DHX30: variants seen among roughly 807,000 people sequenced by gnomAD.
The protein encoded by DHX30 is DExH-box helicase 30.
In DHX30, 4 loss-of-function variants were observed where a neutral mutation model predicts 116.9. The ratio of observed to expected loss-of-function variants is 0.03; its 90% CI spans 0.02 to 0.08. The LOEUF (loss-of-function observed/expected upper bound fraction) is 0.08. Among genes scored for constraint, DHX30 ranks in the 10% least tolerant of loss-of-function variants. The probability of loss-of-function intolerance (pLI) is 1.00; values close to 1 mark genes in which losing one functional copy is unlikely to be tolerated. For missense variants in DHX30, 871 were observed against 1,595.1 expected (o/e 0.55, Z 7.73); for synonymous variants, 697 against 651.7 (o/e 1.07, Z -1.06).
intron 6 of DHX30, among the ~76,000 whole-genome samples, chr3:47,838,245 C>T (rs1299406213): frequency 6.6e-6 from 1 of 152,206 alleles, no homozygotes; most frequent in Non-Finnish European, 1.5e-5. Flanking sequence ...CTGCGGTTTT[C>T]ACGCGTCTAT....
chr3:47,827,439 A>G lies in DHX30; in HGVS notation c.217A>G (p.Lys73Glu). The G allele has an allele frequency of 6.2e-7, 1 of 1,614,006 alleles. No individual in the cohort carries two copies. The highest frequency in any genetic ancestry group is 8.5e-7 in the Non-Finnish European group (1 of 1,179,948). Residue 73 changes from lysine to glutamate, a missense_variant, in exon 5 of 22, where the codon AAA (lysine) becomes GAA (glutamate). Transcript: ENST00000445061. Reference protein sequence around the residue: ...RALGISHAKDKLVYVHTNGPK... With the variant: ...RALGISHAKDELVYVHTNGPK... ...CCTCGGCATCTCACATGCAAAAGACAAACTAGTCTACGTGCACACAAATGG... is the reference window on the plus strand; with the variant it reads ...CCTCGGCATCTCACATGCAAAAGACGAACTAGTCTACGTGCACACAAATGG...
In DHX30 at chr3:47,839,314, G is replaced by A. The variant is rs184373778; in HGVS notation, c.367-1563G>A. Among the ~76,000 whole-genome samples, 85 of 117,050 alleles carry A rather than the reference G, an allele frequency of 7.3e-4. 2 individuals carry two copies. In the East Asian group the frequency reaches 0.017, roughly 24 times the overall value. The allele number at this position is 117,050 out of a possible 152,430, so 76.8% of individuals were successfully genotyped here. A position where few individuals can be genotyped will look rare whatever the true frequency, so the allele number is the denominator to read the frequency against. On this transcript the variant is annotated intron_variant, in intron 6 of 21. Coordinates refer to ENST00000445061, the MANE Select transcript of DHX30 (RefSeq NM_138615.3). Reference sequence around the variant, plus strand: ...TTTTTTTTTTTTGAGACGGAGTTTCGCCGGAGGTTTGCTCTTGTTACCCAG... The same window carrying A: ...TTTTTTTTTTTTGAGACGGAGTTTCACCGGAGGTTTGCTCTTGTTACCCAG...
chr3:47,845,335 C>T (rs557055065), intron 9 of DHX30, among the ~76,000 whole-genome samples: 25 of 152,002 alleles, frequency 1.6e-4, no homozygotes, highest in South Asian at 4.2e-4. Context: ...CTATAGGTGC[C>T]GGCCCCCCAC....
At chr3:47,835,838 C>T (rs1225359232) in intron 6 of DHX30, among the ~76,000 whole-genome samples, 7 of 152,254 alleles carry the variant, frequency 4.6e-5, no homozygotes, top group African/African-American at 1.7e-4. Flanking sequence ...TCTTGTCTGC[C>T]TGCACTTTCT....
rs2037966656 is a variant in DHX30 at position 47,849,694 on chromosome 3, G to A, written c.3256G>A (p.Val1086Ile). 10 of 1,614,064 alleles carry A rather than the reference G, an allele frequency of 6.2e-6. No individual in the cohort carries two copies. The highest frequency in any genetic ancestry group is 2.7e-5 in the African/African-American group (2 of 74,944). ...CATGGCAGTCAAGTCCAATGGCAGCGTCTTCGTCCGGGACTCCTCTCAGGT... is the reference window on the plus strand; with the variant it reads ...CATGGCAGTCAAGTCCAATGGCAGCATCTTCGTCCGGGACTCCTCTCAGGT... ...YFMAVKSNGSVFVRDSSQVHP... is the reference protein window; with the variant it reads ...YFMAVKSNGSIFVRDSSQVHP... The change falls in exon 21 of 22, where the codon GTC becomes ATC. Residue 1086 changes from valine to isoleucine, a missense_variant. By Grantham distance (29) the Val-to-Ile change is conservative. Coordinates refer to ENST00000445061, the MANE Select transcript of DHX30 (RefSeq NM_138615.3).
At position 47,846,190 on chromosome 3, in the gene DHX30, C is replaced by T. The variant is rs377228431; in HGVS notation, c.1118C>T (p.Ala373Val). The T allele has an allele frequency of 6.2e-7, 1 of 1,613,638 alleles. No homozygotes were observed. Among genetic ancestry groups the T allele is most frequent in the Non-Finnish European group, 8.5e-7 (1 of 1,179,988 alleles). The change falls in exon 11 of 22, where the codon GCC (alanine) becomes GTC (valine). Residue 373 changes from alanine to valine, a missense_variant. Coordinates refer to ENST00000445061, the MANE Select transcript of DHX30 (RefSeq NM_138615.3). ...TACCCTGTGGAGAGTTCATGGATCGCCCCAGAACTCCGGCTGCAGAGTGAT... is the reference window on the plus strand; with the variant it reads ...TACCCTGTGGAGAGTTCATGGATCGTCCCAGAACTCCGGCTGCAGAGTGAT... Reference protein sequence around the residue: ...NHYPVESSWIAPELRLQSDDI... With the variant: ...NHYPVESSWIVPELRLQSDDI...
chr3:47,838,476 T>C (rs1320975550), intron 6 of DHX30, among the ~76,000 whole-genome samples: 1 of 152,200 alleles, frequency 6.6e-6, no homozygotes, highest in Admixed American at 6.5e-5. Context: ...TTAGTTCACC[T>C]TAGGTAGGTG....
chr3:47,825,107 C>G, intron 4 of DHX30: 2 of 673,592 alleles, frequency 3.0e-6, no homozygotes, highest in South Asian at 3.1e-5. Flanking sequence ...CCGCTGGGTC[C>G]CCGCGCTGCT....
At chr3:47,835,734 G>A (rs1306786831) in intron 6 of DHX30, among the ~76,000 whole-genome samples, 2 of 152,258 alleles carry the variant, frequency 1.3e-5, no homozygotes, top group African/African-American at 4.8e-5. Flanking sequence ...GAGCCACTGT[G>A]CCTGGCTCTC....
Position 47,846,434 on chromosome 3 carries a change from C to T in DHX30, c.1362C>T (p.Val454=), listed in dbSNP as rs2037611593. The T allele has an allele frequency of 5.0e-6, 8 of 1,614,138 alleles. No individual in the cohort carries two copies. The highest frequency in any genetic ancestry group is 6.8e-6 in the Non-Finnish European group (8 of 1,180,040). ...LNAIEQHPVV[V]ISGDTGCGKT... Reference sequence around the variant, plus strand: ...CCATTGAGCAGCACCCGGTGGTGGTCATCTCTGGGGACACGGGCTGTGGGA... The same window carrying T: ...CCATTGAGCAGCACCCGGTGGTGGTTATCTCTGGGGACACGGGCTGTGGGA... The change falls in exon 11 of 22, where the codon GTC becomes GTT. Residue 454 remains valine (V), a synonymous_variant. Coordinates refer to ENST00000445061, the MANE Select transcript of DHX30 (RefSeq NM_138615.3).
intron 6 of DHX30, among the ~76,000 whole-genome samples, chr3:47,832,934 T>A (rs1010332107): frequency 6.7e-6 from 1 of 149,444 alleles, no homozygotes; most frequent in African/African-American, 2.5e-5. Flanking sequence ...CCACTGTGCC[T>A]GGCCTCTTTT....
rs1192652651 is a variant in DHX30, at chr3:47,849,075, C to T, written c.2925C>T (p.Ile975=). The T allele has an allele frequency of 6.2e-7, 1 of 1,609,684 alleles. No homozygotes were observed. The highest frequency in any genetic ancestry group is 8.5e-7 in the Non-Finnish European group (1 of 1,177,042). The stretch of plus-strand genomic sequence containing the variant: ...TGTACGCACCCAGCCTGCGCTTCAT[C>T]CACGGTCAGTCGGGCCCACACCTGC... ...NLLYAPSLRF[I]HGLIKQFSEN... The change falls in exon 18 of 22, where the codon ATC becomes ATT. Residue 975 remains isoleucine, a synonymous_variant. Coordinates refer to ENST00000445061, the MANE Select transcript of DHX30 (RefSeq NM_138615.3).
At chr3:47,829,310 ATATAT>A (rs1280311698) in intron 6 of DHX30, among the ~76,000 whole-genome samples, 176 bp downstream of exon 6, 54 of 25,672 alleles carry the variant, frequency 2.1e-3, no homozygotes, top group African/African-American at 4.7e-3. Flanking sequence ...ATATATATAT[ATATAT>A]TTTTTTTTTT....
intron 3 of DHX30, chr3:47,816,683 C>T: frequency 1.0e-6 from 1 of 985,580 alleles, no homozygotes; most frequent in Non-Finnish European, 1.2e-6. Context: ...GTGAGCAGAG[C>T]TGGCAGTTAC....
chr3:47,818,781 T>C (rs570178386), intron 4 of DHX30, among the ~76,000 whole-genome samples: 80 of 152,222 alleles, frequency 5.3e-4, no homozygotes, highest in African/African-American at 1.8e-3. Flanking sequence ...TCAGACTTAT[T>C]AATATACCTT....
At chr3:47,839,839 C>G (rs943314993) in intron 6 of DHX30, among the ~76,000 whole-genome samples, 2 of 151,774 alleles carry the variant, frequency 1.3e-5, no homozygotes, top group Admixed American at 6.6e-5. Context: ...CCACGCCCGG[C>G]TAATTTTTGT....
intron 9 of DHX30, among the ~76,000 whole-genome samples, chr3:47,844,669 G>A (rs1285305874): frequency 6.6e-6 from 1 of 152,206 alleles, no homozygotes; most frequent in Non-Finnish European, 1.5e-5. Flanking sequence ...TGTTTGATCT[G>A]GGCTCCGAAG....
At chr3:47,814,471 G>A (rs992279633) in intron 3 of DHX30, among the ~76,000 whole-genome samples, 1 of 146,056 alleles carries the variant, frequency 6.8e-6, no homozygotes, top group African/African-American at 2.5e-5. Context: ...TTTTTTTCCT[G>A]TCTGAGCGCC....
Position 47,840,103 on chromosome 3 carries a change from TCTC to T in DHX30, c.367-771_367-769del, listed in dbSNP as rs2037303673. 9.3e-5 allele frequency among the ~76,000 whole-genome samples: 14 copies of T among 151,166 alleles called. No individual in the cohort carries two copies. In the South Asian group the frequency reaches 2.9e-3, roughly 32 times the overall value. ...GCTCCGCCTCCCAGGTTCACGCCAT[TCTC>T]CTGCCTCAGCCTCCCAAGTAGCTGG... On this transcript the variant is annotated intron_variant, in intron 6 of 21. Transcript: ENST00000445061.
Sources: gnomAD v4.1 joint callset for allele counts (sites outside exome capture counted in the v4.1 genomes callset) on GRCh38, gnomAD v4.1.1 for gene constraint, MANE v1.5 for transcripts, NCBI Gene and HGNC (gene_info 2026-07-23, HGNC 2026-07-21) for gene names.